The following PDE1C variants were observed in gnomAD, a reference collection of about 807,000 sequenced individuals.
PDE1C encodes phosphodiesterase 1C, also known as dual specificity calcium/calmodulin-dependent 3',5'-cyclic nucleotide phosphodiesterase 1C.
Under a neutral mutation model 93.1 loss-of-function variants are expected in PDE1C, and 62 were observed. The ratio of observed to expected loss-of-function variants is 0.67; its 90% CI spans 0.54 to 0.82. The LOEUF (loss-of-function observed/expected upper bound fraction) is 0.82. Ranked by LOEUF, PDE1C falls within the 40% of genes least tolerant of loss-of-function variation. PDE1C has a pLI of 0.00. For missense variants in PDE1C, 742 were observed against 884.6 expected, an observed-to-expected ratio of 0.84 and a Z score of 2.04; for synonymous variants, 325 against 310.1, an observed-to-expected ratio of 1.05 and a Z score of -0.50.
intron 7 of PDE1C, among the ~76,000 whole-genome samples, chr7:31,855,322 T>A (rs1347548021): frequency 6.6e-6 from 1 of 152,052 alleles, no homozygotes; most frequent in Non-Finnish European, 1.5e-5. Flanking sequence ...GACTGTTGGG[T>A]CCTTCTCACA....
At chr7:32,370,159 G>A (rs180763628) in intron 1 of PDE1C, among the ~76,000 whole-genome samples, 182 of 152,228 alleles carry the variant, frequency 1.2e-3, no homozygotes, top group Non-Finnish European at 1.8e-3. Flanking sequence ...CATAAAAAAC[G>A]ATGAGTTCTG....
At chr7:31,917,406 A>T (rs182522481) in intron 2 of PDE1C, among the ~76,000 whole-genome samples, 2 of 152,288 alleles carry the variant, frequency 1.3e-5, no homozygotes, top group Admixed American at 6.5e-5. Context: ...AAACAAATTA[A>T]TGTCAACCTG....
chr7:31,809,113 A>C lies in PDE1C; in HGVS notation c.1814-5T>G. ...TTTTACCATCTTTGAAGTCACCTGA[A>C]AGTAATAAACATGACAAACAGTATA... On this transcript the variant is annotated splice_region_variant and splice_polypyrimidine_tract_variant and intron_variant, in intron 15 of 17. Transcript: ENST00000396191. 6.6e-7 allele frequency: 1 copy of C among 1,520,578 alleles called. No individual in the cohort carries two copies. The highest frequency in any genetic ancestry group is 2.3e-5 in the East Asian group (1 of 44,176). The allele number at this position is 1,520,578 out of a possible 1,614,324, so 94.2% of individuals were successfully genotyped here. A position where few individuals can be genotyped will look rare whatever the true frequency, so the allele number is the denominator to read the frequency against.
At chr7:31,970,970 C>A (rs1259538828) in intron 2 of PDE1C, among the ~76,000 whole-genome samples, 2 of 152,122 alleles carry the variant, frequency 1.3e-5, no homozygotes, top group Admixed American at 1.3e-4. Flanking sequence ...TGATGAAACC[C>A]TGTCTCTACT....
chr7:32,133,526 G>A (rs1800038150), intron 3 of PDE1C, among the ~76,000 whole-genome samples: 1 of 152,158 alleles, frequency 6.6e-6, no homozygotes, highest in Admixed American at 6.6e-5. Context: ...GAGTGAGGAA[G>A]GACCCTGAAC....
intron 2 of PDE1C, among the ~76,000 whole-genome samples, chr7:31,886,099 C>A (rs1013958661): frequency 2.0e-5 from 3 of 152,170 alleles, no homozygotes; most frequent in Non-Finnish European, 2.9e-5. Flanking sequence ...AGAACTGGAT[C>A]TTTTACAGTA....
the PDE1C span, among the ~76,000 whole-genome samples, chr7:31,694,491 C>A: frequency 1.3e-5 from 2 of 151,998 alleles, no homozygotes; most frequent in Non-Finnish European, 2.9e-5. Flanking sequence ...TGCAAGTTCT[C>A]AGAACTAGAA....
chr7:32,366,701 C>T (rs1201669300), intron 1 of PDE1C, among the ~76,000 whole-genome samples: 1 of 151,978 alleles, frequency 6.6e-6, no homozygotes, highest in African/African-American at 2.4e-5. Context: ...AGGGAATTCC[C>T]ATTAGTCTAA....
chr7:31,753,272 T>G lies in PDE1C; in HGVS notation c.*112A>C, dbSNP rs185406426. On this transcript the variant is annotated 3_prime_UTR_variant, in exon 18 of 18. Transcript: ENST00000396191. ...ACCTTGGTGGAGTCAACCAGGATAG[T>G]ACCTGCTCCAACAGCCTCCAAGGGT... The G allele has an allele frequency of 3.1e-5, 41 of 1,341,554 alleles. 2 individuals carry two copies. The African/African-American group carries it at 4.4e-4, about 14-fold the overall frequency. The allele number at this position is 1,341,554 out of a possible 1,614,324, so 83.1% of individuals were successfully genotyped here.
rs113117471 is a variant in PDE1C at position 32,009,079 on chromosome 7, A to T, written c.128+42475T>A. Among the ~76,000 whole-genome samples, 35 of 152,372 alleles carry T rather than the reference A, an allele frequency of 2.3e-4. No individual in the cohort carries two copies. The Middle Eastern group carries it at 0.01, about 44-fold the overall frequency. On this transcript the variant is annotated intron_variant, in intron 2 of 17. Transcript: ENST00000396191. ...CAGTGACTAGATTTATCCTCCCATA[A>T]GAAACAATCTAAAAACATACAAATA...
At chr7:31,737,782 G>C in the PDE1C span, among the ~76,000 whole-genome samples, 144,186 of 144,628 alleles carry the variant, frequency 1, 71,875 homozygotes, top group East Asian at 1. Flanking sequence ...GCCTGGGTGA[G>C]AGAGCGACAC....
At chr7:32,355,331 C>A (rs962678951) in intron 1 of PDE1C, among the ~76,000 whole-genome samples, 1 of 152,216 alleles carries the variant, frequency 6.6e-6, no homozygotes, top group African/African-American at 2.4e-5. Flanking sequence ...GCCCTCAATG[C>A]AGACTTAAAT....
At chr7:31,875,694 C>T (rs369693722) in intron 5 of PDE1C, among the ~76,000 whole-genome samples, 24 of 150,126 alleles carry the variant, frequency 1.6e-4, no homozygotes, top group African/African-American at 5.4e-4. Context: ...TCCTGAGTCA[C>T]AAAACAGATG....
intron 1 of PDE1C, among the ~76,000 whole-genome samples, chr7:32,350,428 A>G (rs903237548): frequency 1.4e-4 from 22 of 152,222 alleles, no homozygotes; most frequent in Non-Finnish European, 2.4e-4. Context: ...ATTCCTTAAT[A>G]TCATCAAATA....
chr7:32,049,991 G>C (rs1793132975), intron 2 of PDE1C, among the ~76,000 whole-genome samples: 1 of 152,170 alleles, frequency 6.6e-6, no homozygotes, highest in African/African-American at 2.4e-5. Flanking sequence ...TGTTGGTATA[G>C]CCTATTGCTC....
At chr7:31,742,042 G>A in the PDE1C span, among the ~76,000 whole-genome samples, 1 of 152,194 alleles carries the variant, frequency 6.6e-6, no homozygotes, top group Non-Finnish European at 1.5e-5. Context: ...CTTAGCACCT[G>A]AAACAGGAAA....
rs866595817 is a variant in PDE1C, at chr7:32,231,004, T to C, written c.86-21465A>G. Reference sequence around the variant, plus strand: ...CAGGAGCTAAGTAAATCTTAAAGCATGTGGGGATAATTATTTAAATGAGAA... The same window carrying C: ...CAGGAGCTAAGTAAATCTTAAAGCACGTGGGGATAATTATTTAAATGAGAA... On this transcript the variant is annotated intron_variant, in intron 1 of 18. Transcript: ENST00000396193. Among the ~76,000 whole-genome samples the C allele has an allele frequency of 3.9e-5, 6 of 152,170 alleles. No individual in the cohort carries two copies. The South Asian group carries it at 1.0e-3, about 26-fold the overall frequency.
chr7:32,191,648 T>G (rs556943972), intron 2 of PDE1C, among the ~76,000 whole-genome samples: 4 of 152,314 alleles, frequency 2.6e-5, no homozygotes, highest in Admixed American at 6.5e-5. Flanking sequence ...TGCTTCCAAT[T>G]TTTGGCTACT....
At chr7:32,085,536 C>T (rs939033434) in intron 3 of PDE1C, among the ~76,000 whole-genome samples, 4 of 148,488 alleles carry the variant, frequency 2.7e-5, no homozygotes. Flanking sequence ...CAAAGCCAGT[C>T]AGAGACACAA....
Sources: allele counts gnomAD v4.1 joint callset (sites outside exome capture counted in the v4.1 genomes callset), GRCh38; gene constraint gnomAD v4.1.1; transcripts MANE v1.5; gene names NCBI Gene and HGNC (gene_info 2026-07-23, HGNC 2026-07-21).